The following MBTPS1 variants were observed in gnomAD, a reference collection of about 807,000 sequenced individuals.
The protein encoded by MBTPS1 is membrane-bound transcription factor site-1 protease.
A neutral mutation model predicts 127.8 loss-of-function variants in MBTPS1; 94 were observed. The observed-to-expected ratio is 0.74, with a 90% CI of 0.62 to 0.87. The LOEUF (loss-of-function observed/expected upper bound fraction) is 0.87. MBTPS1 is among the 40% of genes least tolerant of loss of function. MBTPS1 has a pLI of 0.00. For synonymous variants in MBTPS1, 632 were observed against 509.4 expected, an observed-to-expected ratio of 1.24 and a Z score of -3.24; for missense variants, 1,636 against 1,353.2, an observed-to-expected ratio of 1.21 and a Z score of -3.28.
In MBTPS1 at chr16:84,095,588, G is replaced by C. The variant is rs771318317; in HGVS notation, c.625+14C>G. Reference sequence around the variant, plus strand: ...TATATCCCATAAGCACCTTCCCTGGGTAATAGCACACACCTGTATATCCCA... The same window carrying C: ...TATATCCCATAAGCACCTTCCCTGGCTAATAGCACACACCTGTATATCCCA... On this transcript the variant is annotated intron_variant, in intron 4 of 22. Coordinates refer to ENST00000343411, the MANE Select transcript of MBTPS1 (RefSeq NM_003791.4). 6.2e-7 allele frequency: 1 copy of C among 1,612,650 alleles called. No homozygotes were observed.
At position 84,060,752 on chromosome 16, in the gene MBTPS1, G is replaced by T; in HGVS notation, c.2634C>A (p.Ser878Arg). ...GCTGGCGGTTCCCAGAGTGACTGAG[G>T]CTAGGCGGTGTCACCCCATACGATG... ...QYTSYGVTPP[S>R]LSHSGNRQRP... The change falls in exon 20 of 23, where the codon AGC (serine) becomes AGA (arginine). Residue 878 changes from serine to arginine, a missense_variant. Physicochemically the swap from Ser to Arg is moderately radical, Grantham distance 110 (BLOSUM62 -1). Transcript: ENST00000343411. 1 of 1,610,968 alleles carries T rather than the reference G, an allele frequency of 6.2e-7. No homozygotes were observed. The highest frequency in any genetic ancestry group is 1.7e-4 in the Middle Eastern group (1 of 6,058).
chr16:84,081,658 G>T (rs2085941129), intron 11 of MBTPS1, 89 bp downstream of exon 11: 4 of 1,068,878 alleles, frequency 3.7e-6, no homozygotes, highest in South Asian at 3.6e-5. Flanking sequence ...ATCATTTTCT[G>T]TTTTGAGGCT....
In MBTPS1 at chr16:84,070,724, A is replaced by T. The variant is rs780183957; in HGVS notation, c.1646T>A (p.Phe549Tyr). ...AGGCCATAAGACCGAGGAGTAGGAG[A>T]AGGCAACTTCAATGTTGTCTCCGTT... is the stretch of plus-strand genomic sequence containing the variant. ...PQNGDNIEVA[F>Y]SYSSVLWPWS... The change falls in exon 13 of 23, where the codon TTC becomes TAC. Residue 549 changes from phenylalanine (F) to tyrosine (Y), a missense_variant. By Grantham distance (22) the Phe-to-Tyr change is conservative. Coordinates refer to ENST00000343411, the MANE Select transcript of MBTPS1 (RefSeq NM_003791.4). 1.2e-6 allele frequency: 2 copies of T among 1,614,056 alleles called. No individual in the cohort carries two copies. The highest frequency in any genetic ancestry group is 1.7e-6 in the Non-Finnish European group (2 of 1,179,982).
At chr16:84,097,628 TA>T (rs2086194118) in intron 3 of MBTPS1, among the ~76,000 whole-genome samples, 1 of 152,162 alleles carries the variant, frequency 6.6e-6, no homozygotes, top group African/African-American at 2.4e-5. Flanking sequence ...ATAACTGAAG[TA>T]AAAAATAAAG....
At chr16:84,083,427 G>A (rs1190777611) in intron 10 of MBTPS1, among the ~76,000 whole-genome samples, 1 of 152,028 alleles carries the variant, frequency 6.6e-6, no homozygotes, top group Non-Finnish European at 1.5e-5. Flanking sequence ...GGGAAGAACA[G>A]AGAAAGGAGG....
intron 8 of MBTPS1, among the ~76,000 whole-genome samples, chr16:84,090,323 G>A (rs892146974): frequency 6.6e-6 from 1 of 151,532 alleles, no homozygotes; most frequent in African/African-American, 2.4e-5. Context: ...TTAGCACAAA[G>A]GCCCCCCTGT....
At chr16:84,114,340 T>C (rs1318239253) in intron 1 of MBTPS1, among the ~76,000 whole-genome samples, 3 of 152,164 alleles carry the variant, frequency 2.0e-5, no homozygotes, top group African/African-American at 7.2e-5. Context: ...GGTGGTCTTG[T>C]ATTAAAAAGA....
chr16:84,070,798 C>CA (rs2085759948), intron 12 of MBTPS1, 22 bp from the exon 13 acceptor site: 4 of 1,587,008 alleles, frequency 2.5e-6, no homozygotes, highest in Non-Finnish European at 3.4e-6. Context: ...AGAAATCAGA[C>CA]AAAGGCTAAA....
intron 1 of MBTPS1, among the ~76,000 whole-genome samples, chr16:84,104,413 A>G (rs1381006439): frequency 1.3e-5 from 2 of 152,164 alleles, no homozygotes; most frequent in African/African-American, 4.8e-5. Context: ...CAGTGGGCCA[A>G]GAGTGCACCA....
At chr16:84,094,352 C>T (rs914546246) in intron 4 of MBTPS1, among the ~76,000 whole-genome samples, 1 of 152,206 alleles carries the variant, frequency 6.6e-6, no homozygotes, top group Non-Finnish European at 1.5e-5. Context: ...GCAAACTCTG[C>T]CGCAAGGAAC....
chr16:84,074,549 G>A (rs2085822947), intron 12 of MBTPS1, 48 bp downstream of exon 12: 10 of 1,594,616 alleles, frequency 6.3e-6, no homozygotes, highest in Non-Finnish European at 8.6e-6. Context: ...TCTGGGCTGT[G>A]TCTAAGTTCA....
At chr16:84,060,558 G>T in intron 20 of MBTPS1, 124 bp downstream of exon 20, 2 of 1,157,076 alleles carry the variant, frequency 1.7e-6, no homozygotes, top group Non-Finnish European at 2.4e-6. Context: ...CAGCCATTAC[G>T]AAAACCACTC....
rs1452962538 is a variant in MBTPS1, at chr16:84,106,543, CAA to C, written c.-324-4438_-324-4437del. Among the ~76,000 whole-genome samples the C allele has an allele frequency of 2.6e-5, 4 of 152,040 alleles. No individual in the cohort carries two copies. In the East Asian group the frequency reaches 7.7e-4, roughly 29 times the overall value. On this transcript the variant is annotated intron_variant, in intron 1 of 22. Coordinates refer to ENST00000343411, the MANE Select transcript of MBTPS1 (RefSeq NM_003791.4). ...TGGTGTGTGTGTGAGGAAAGAAAGG[CAA>C]AGAGGCCAGCGGGAAGCAAGGGAAA...
Position 84,085,015 on chromosome 16 carries a change from T to C in MBTPS1, c.1254A>G (p.Pro418=), listed in dbSNP as rs2085999638. The C allele has an allele frequency of 5.6e-6, 9 of 1,614,186 alleles. No homozygotes were observed. The highest frequency in any genetic ancestry group is 7.6e-6 in the Non-Finnish European group (9 of 1,180,032). The change falls in exon 10 of 23, where the codon CCA becomes CCG. Residue 418 remains proline (P), a synonymous_variant. Transcript: ENST00000343411. The part of the protein sequence containing the change: ...RALSGTSVAS[P]VVAGAVTLLV... ...ACAAGGTGACAGCACCTGCAACCAC[T>C]GGAGAAGCAACACTGGTCCCTGAGA...
chr16:84,085,038 A>C lies in MBTPS1; in HGVS notation c.1231T>G (p.Ser411Ala). The C allele has an allele frequency of 6.2e-7, 1 of 1,614,216 alleles. No individual in the cohort carries two copies. The highest frequency in any genetic ancestry group is 8.5e-7 in the Non-Finnish European group (1 of 1,180,046). The change falls in exon 10 of 23, where the codon TCA (serine) becomes GCA (alanine). Residue 411 changes from serine to alanine, a missense_variant. Physicochemically the swap from Ser to Ala is moderately conservative, Grantham distance 99. Transcript: ENST00000343411. Reference sequence around the variant, plus strand: ...ACTGGAGAAGCAACACTGGTCCCTGAGAGGGCCCGGCACCCCCCTTTCACG... The same window carrying C: ...ACTGGAGAAGCAACACTGGTCCCTGCGAGGGCCCGGCACCCCCCTTTCACG... ...SGVKGGCRAL[S>A]GTSVASPVVA...
Position 84,101,803 on chromosome 16 carries a change from C to A in MBTPS1, c.-20G>T. ...CTTCATGGTCACAAGCGAATATGAT[C>A]ATAAAATTGCATATATTCAAATCAC... On this transcript the variant is annotated 5_prime_UTR_variant, in exon 2 of 23. It removes an upstream start codon present in the reference 5' UTR. Transcript: ENST00000343411. 6.3e-7 allele frequency: 1 copy of A among 1,591,076 alleles called. No individual in the cohort carries two copies. The highest frequency in any genetic ancestry group is 1.1e-5 in the South Asian group (1 of 88,004).
intron 22 of MBTPS1, among the ~76,000 whole-genome samples, chr16:84,055,569 G>A (rs1050271142): frequency 9.2e-5 from 14 of 152,304 alleles, no homozygotes; most frequent in Middle Eastern, 3.4e-3. Context: ...TCCCTCCCAG[G>A]GGGGCAGGGC....
rs1166712131 is a variant in MBTPS1, at chr16:84,099,174, A to G, written c.300T>C (p.Asp100=). The change falls in exon 3 of 23, where the codon GAT becomes GAC. Residue 100 remains aspartate, a synonymous_variant. Coordinates refer to ENST00000343411, the MANE Select transcript of MBTPS1 (RefSeq NM_003791.4). ...TTTCTTTTATCTGAATCACCTCAAA[A>G]TCACTAGGGTAGTCACTGGATGGAT... The part of the protein sequence containing the change: ...RNNPSSDYPS[D]FEVIQIKEKQ... 6.2e-7 allele frequency: 1 copy of G among 1,614,052 alleles called. No homozygotes were observed. Among genetic ancestry groups the G allele is most frequent in the Admixed American group, 1.7e-5 (1 of 59,998 alleles).
At chr16:84,089,422 C>G (rs948454869) in intron 8 of MBTPS1, among the ~76,000 whole-genome samples, 2 of 152,198 alleles carry the variant, frequency 1.3e-5, no homozygotes, top group African/African-American at 4.8e-5. Flanking sequence ...TACTGAAGAC[C>G]TTGAAAAACA....
Sources: gnomAD v4.1 joint callset for allele counts (sites outside exome capture counted in the v4.1 genomes callset) on GRCh38, gnomAD v4.1.1 for gene constraint, MANE v1.5 for transcripts, NCBI Gene and HGNC (gene_info 2026-07-23, HGNC 2026-07-21) for gene names.